FAF1: variants seen among roughly 807,000 people sequenced by gnomAD.
FAF1 encodes Fas associated factor 1, also known as FAS-associated factor 1.
Under a neutral mutation model 92.5 loss-of-function variants are expected in FAF1, and 25 were observed. The observed-to-expected ratio is 0.27, with a 90% CI of 0.20 to 0.38. The LOEUF is 0.38. Ranked by LOEUF, FAF1 falls within the 10% of genes least tolerant of loss-of-function variation. The probability of loss-of-function intolerance (pLI) is 1.00; values close to 1 mark genes in which losing one functional copy is unlikely to be tolerated. For synonymous variants in FAF1, 234 were observed against 273.2 expected (o/e 0.86, Z 1.42); for missense variants, 636 against 793.3 (o/e 0.80, Z 2.38).
intron 1 of FAF1, among the ~76,000 whole-genome samples, chr1:50,882,910 C>T (rs1023494137): frequency 2.7e-5 from 4 of 149,766 alleles, no homozygotes; most frequent in Admixed American, 6.7e-5. Flanking sequence ...CACTTGAACA[C>T]GGGAGGCGGG....
At chr1:50,830,856 A>G (rs1644146448) in intron 2 of FAF1, among the ~76,000 whole-genome samples, 1 of 152,194 alleles carries the variant, frequency 6.6e-6, no homozygotes, top group Non-Finnish European at 1.5e-5. Context: ...TCTAGAAGTA[A>G]TATCAACAGA....
At chr1:50,844,242 G>A (rs1193794246) in intron 2 of FAF1, among the ~76,000 whole-genome samples, 2 of 152,084 alleles carry the variant, frequency 1.3e-5, no homozygotes, top group Non-Finnish European at 2.9e-5. Context: ...TTTTTCTGCA[G>A]TTGAGTTGAA....
At chr1:50,829,352 A>G (rs993533473) in intron 2 of FAF1, among the ~76,000 whole-genome samples, 37 of 152,350 alleles carry the variant, frequency 2.4e-4, no homozygotes, top group African/African-American at 8.4e-4. Context: ...AAAATAAACA[A>G]AAAAGGCATT....
chr1:50,923,681 A>C (rs1281723923), intron 1 of FAF1, among the ~76,000 whole-genome samples: 1 of 152,236 alleles, frequency 6.6e-6, no homozygotes, highest in Non-Finnish European at 1.5e-5. Flanking sequence ...AGAATCCTCA[A>C]CAAAATACCA....
At chr1:50,639,506 A>G (rs1654218046) in intron 8 of FAF1, among the ~76,000 whole-genome samples, 1 of 152,228 alleles carries the variant, frequency 6.6e-6, no homozygotes, top group Admixed American at 6.5e-5. Context: ...TGTTAATGAA[A>G]TTAGTTACAT....
rs140969572 is a variant in FAF1 at position 50,451,544 on chromosome 1, A to G, written c.1870-10021T>C. On this transcript the variant is annotated intron_variant, in intron 18 of 18. Transcript: ENST00000396153. ...TCTGTGTTCTTAACCACCACAGTAG[A>G]TTATTTTAGTATTGTAGTCATGTAC... 4.8e-3 allele frequency among the ~76,000 whole-genome samples: 727 copies of G among 152,310 alleles called. 3 individuals carry two copies. The highest frequency in any genetic ancestry group is 7.1e-3 in the Non-Finnish European group (484 of 68,024).
intron 2 of FAF1, among the ~76,000 whole-genome samples, chr1:50,830,819 C>A (rs1361513977): frequency 1.3e-5 from 2 of 151,920 alleles, no homozygotes; most frequent in African/African-American, 4.8e-5. Context: ...CAACTGATCC[C>A]AAATGAACTT....
intron 8 of FAF1, among the ~76,000 whole-genome samples, chr1:50,598,734 G>A (rs1651951039): frequency 6.6e-6 from 1 of 152,276 alleles, no homozygotes; most frequent in Middle Eastern, 3.4e-3. Flanking sequence ...ACTTTGGGAG[G>A]CTGAGGCGAG....
At chr1:50,755,605 C>A (rs1482411284) in intron 4 of FAF1, among the ~76,000 whole-genome samples, 1 of 152,208 alleles carries the variant, frequency 6.6e-6, no homozygotes, top group East Asian at 1.9e-4. Flanking sequence ...CCAGTAGGGA[C>A]TCTGTGTGGG....
intron 1 of FAF1, among the ~76,000 whole-genome samples, chr1:50,946,052 G>T (rs184016364): frequency 6.6e-6 from 1 of 152,310 alleles, no homozygotes; most frequent in Admixed American, 6.5e-5. Context: ...AGTGAAGTGG[G>T]AACTAAAGTT....
intron 2 of FAF1, among the ~76,000 whole-genome samples, chr1:50,806,456 G>A (rs767613782): frequency 7.2e-5 from 11 of 152,252 alleles, no homozygotes; most frequent in East Asian, 1.9e-4. Flanking sequence ...AACATGTGAC[G>A]GAGGCAGCCG....
intron 7 of FAF1, among the ~76,000 whole-genome samples, chr1:50,676,205 AAGTCC>A (rs1188808466): frequency 3.3e-5 from 5 of 152,028 alleles, no homozygotes; most frequent in African/African-American, 1.2e-4. Flanking sequence ...TCAGGAGTTC[AAGTCC>A]AGCTTGGACA....
At chr1:50,633,913 G>A (rs934129862) in intron 8 of FAF1, among the ~76,000 whole-genome samples, 11 of 152,140 alleles carry the variant, frequency 7.2e-5, no homozygotes, top group Non-Finnish European at 1.6e-4. Flanking sequence ...GTAATAAACT[G>A]TAAAGCAGTT....
intron 1 of FAF1, among the ~76,000 whole-genome samples, chr1:50,914,981 C>G (rs536731403): frequency 3.9e-5 from 6 of 152,216 alleles, no homozygotes; most frequent in Non-Finnish European, 8.8e-5. Flanking sequence ...ATCAGCTCTC[C>G]ACATTGCAAA....
intron 4 of FAF1, among the ~76,000 whole-genome samples, chr1:50,787,626 T>A (rs1429109159): frequency 6.6e-6 from 1 of 152,210 alleles, no homozygotes; most frequent in African/African-American, 2.4e-5. Flanking sequence ...GTCTCAGGTA[T>A]TGTTATAGCA....
chr1:50,899,490 C>T (rs549899853), intron 1 of FAF1, among the ~76,000 whole-genome samples: 1 of 152,210 alleles, frequency 6.6e-6, no homozygotes, highest in Admixed American at 6.5e-5. Flanking sequence ...TATTTTGAGA[C>T]AGAGTCTCAC....
chr1:50,756,038 T>C (rs962242471), intron 4 of FAF1, among the ~76,000 whole-genome samples: 2 of 152,190 alleles, frequency 1.3e-5, no homozygotes, highest in African/African-American at 4.8e-5. Context: ...CCCCATTGTC[T>C]TGGGGATTAA....
At chr1:50,947,034 T>C (rs976726655) in intron 1 of FAF1, among the ~76,000 whole-genome samples, 3 of 152,162 alleles carry the variant, frequency 2.0e-5, no homozygotes, top group African/African-American at 7.2e-5. Flanking sequence ...TATATCCCAA[T>C]AAAAGATCAC....
At chr1:50,690,397 G>A (rs1656866689) in intron 7 of FAF1, among the ~76,000 whole-genome samples, 1 of 152,162 alleles carries the variant, frequency 6.6e-6, no homozygotes, top group South Asian at 2.1e-4. Context: ...AAGATCAGGA[G>A]TTCAAGACCA....
Sources: allele counts gnomAD v4.1 joint callset (sites outside exome capture counted in the v4.1 genomes callset), GRCh38; gene constraint gnomAD v4.1.1; transcripts MANE v1.5; gene names NCBI Gene and HGNC (gene_info 2026-07-23, HGNC 2026-07-21).